MICAL2: variants seen among roughly 807,000 people sequenced by gnomAD.
MICAL2 encodes microtubule associated monooxygenase, calponin and LIM domain containing 2.
In MICAL2, 77 loss-of-function variants were observed where a neutral mutation model predicts 127.3. That is an observed-to-expected ratio of 0.60 (90% CI 0.50 to 0.73). MICAL2 has a LOEUF of 0.73. MICAL2 is among the 30% of genes least tolerant of loss of function. The pLI is 0.00. For synonymous variants in MICAL2, 570 were observed against 551.1 expected (o/e 1.03, Z -0.48); for missense variants, 1,351 against 1,434.4 (o/e 0.94, Z 0.94).
At chr11:12,203,760 T>C (rs185255143) in intron 3 of MICAL2, among the ~76,000 whole-genome samples, 98 of 152,374 alleles carry the variant, frequency 6.4e-4, no homozygotes, top group African/African-American at 2.2e-3. Flanking sequence ...AGTTTTAATT[T>C]TGAAGTCTCA....
At chr11:12,330,684 C>T (rs913009678) in intron 32 of MICAL2, among the ~76,000 whole-genome samples, 3 of 151,846 alleles carry the variant, frequency 2.0e-5, no homozygotes, top group Non-Finnish European at 2.9e-5. Flanking sequence ...CTCCCGCCCC[C>T]GGGAAGGGTT....
In MICAL2 at chr11:12,327,231, G is replaced by A. The variant is rs909129207; in HGVS notation, c.5480G>A (p.Gly1827Asp). 2.6e-6 allele frequency: 4 copies of A among 1,551,220 alleles called. No homozygotes were observed. In the African/African-American group the frequency reaches 4.1e-5, roughly 16 times the overall value. The change falls in exon 32 of 35, where the codon GGT becomes GAT. Residue 1827 changes from glycine to aspartate, a missense_variant. Gly to Asp is a moderately conservative substitution (Grantham distance 94). Coordinates refer to the MICAL2 transcript ENST00000646065. ...CGGCAGAGGGCTTCTGAGATCCAGGGTGTGAGGCTGGAGAAGGCGTTGCGA... is the reference window on the plus strand; with the variant it reads ...CGGCAGAGGGCTTCTGAGATCCAGGATGTGAGGCTGGAGAAGGCGTTGCGA...
intron 29 of MICAL2, among the ~76,000 whole-genome samples, chr11:12,312,135 A>AT (rs1426975259): frequency 2.0e-5 from 3 of 151,576 alleles, no homozygotes; most frequent in Admixed American, 6.6e-5. Flanking sequence ...TTTTCTGCCC[A>AT]TTTTTTGCTT....
At chr11:12,309,427 T>C (rs1043857297) in intron 29 of MICAL2, among the ~76,000 whole-genome samples, 8 of 152,154 alleles carry the variant, frequency 5.3e-5, no homozygotes, top group Non-Finnish European at 8.8e-5. Flanking sequence ...TGATAATATG[T>C]GATATTTGTC....
At position 12,302,159 on chromosome 11, in the gene MICAL2, CA is replaced by C. The variant is rs960878268; in HGVS notation, c.5212+7306del. 1.2e-4 allele frequency among the ~76,000 whole-genome samples: 19 copies of C among 152,192 alleles called. 2 individuals carry two copies. Among genetic ancestry groups the C allele is most frequent in the Admixed American group, 8.5e-4 (13 of 15,280 alleles). Reference sequence around the variant, plus strand: ...TTAATGTGGAGAGAAAAGGGATGGACAAAATCACTTATGTCGCGAGTCTGTT... The same window carrying C: ...TTAATGTGGAGAGAAAAGGGATGGACAAATCACTTATGTCGCGAGTCTGTT... On this transcript the variant is annotated intron_variant, in intron 29 of 34. Transcript: ENST00000646065.
chr11:12,221,553 A>G (rs2134274408), intron 9 of MICAL2, 91 bp from the exon 10 acceptor site: 1 of 883,898 alleles, frequency 1.1e-6, no homozygotes. Context: ...TGCCCTGCAC[A>G]GTCCTGGCAA....
intron 15 of MICAL2, among the ~76,000 whole-genome samples, chr11:12,235,821 C>A (rs1858971548): frequency 6.6e-6 from 1 of 152,306 alleles, no homozygotes; most frequent in African/African-American, 2.4e-5. Flanking sequence ...CTGCTCTGAG[C>A]CCAAGGCCAC....
At chr11:12,220,484 T>C in intron 9 of MICAL2, 26 bp downstream of exon 9, 10 of 1,599,338 alleles carry the variant, frequency 6.3e-6, no homozygotes, top group Non-Finnish European at 7.6e-6. Context: ...GGAGCCCCCA[T>C]GTTTCTCTGC....
At chr11:12,257,155 TC>T in intron 24 of MICAL2, 184 bp downstream of exon 24, 1 of 650,378 alleles carries the variant, frequency 1.5e-6, no homozygotes, top group Non-Finnish European at 2.5e-6. Flanking sequence ...CTGCCTGTGG[TC>T]CCAGGGAAGG....
intron 2 of MICAL2, among the ~76,000 whole-genome samples, chr11:12,284,995 G>T (rs1298327856): frequency 1.1e-4 from 17 of 152,222 alleles, no homozygotes; most frequent in Non-Finnish European, 1.9e-4. Flanking sequence ...AATTTACACA[G>T]AGCTGGCTGT....
At chr11:12,256,634 T>C in intron 23 of MICAL2, 151 bp from the exon 24 acceptor site, 2 of 710,256 alleles carry the variant, frequency 2.8e-6, no homozygotes, top group Non-Finnish European at 4.5e-6. Context: ...TGTATCTTCC[T>C]ACCCCTCCCT....
intron 2 of MICAL2, among the ~76,000 whole-genome samples, chr11:12,284,621 T>G (rs2134770495): frequency 6.6e-6 from 1 of 152,330 alleles, no homozygotes; most frequent in Admixed American, 6.5e-5. Flanking sequence ...TGCAATTTTT[T>G]TTTTTAGAAA....
rs1400835126 is a variant in MICAL2, at chr11:12,255,662, C to G, written c.2867C>G (p.Ser956Cys). Residue 956 changes from serine to cysteine, a missense_variant, in exon 23 of 28, where the codon TCC (serine) becomes TGC (cysteine). By Grantham distance (112) the Ser-to-Cys change is moderately radical (BLOSUM62 -1). Coordinates refer to ENST00000683283, the MANE Select transcript of MICAL2 (RefSeq NM_001282663.2). ...VHPQLTVGKV[S>C]SGIGAAAEVL... ...GGTTAGCTGACGGTAGGGAAAGTGT[C>G]CAGCGGAATAGGGGCTGCAGCTGAA... 6.2e-7 allele frequency: 1 copy of G among 1,613,818 alleles called. No homozygotes were observed. Among genetic ancestry groups the G allele is most frequent in the Non-Finnish European group, 8.5e-7 (1 of 1,179,982 alleles).
chr11:12,284,445 C>T (rs1231409797), intron 2 of MICAL2, among the ~76,000 whole-genome samples: 1 of 152,078 alleles, frequency 6.6e-6, no homozygotes, highest in Non-Finnish European at 1.5e-5. Context: ...CTCAGCATTA[C>T]TAGATGAAGT....
intron 24 of MICAL2, chr11:12,257,176 A>G: frequency 1.7e-6 from 1 of 572,300 alleles, no homozygotes; most frequent in South Asian, 2.5e-5. Context: ...GGGTAGCATC[A>G]GCACTGTGGT....
At chr11:12,325,311 T>C (rs984274865) in intron 31 of MICAL2, among the ~76,000 whole-genome samples, 2 of 152,118 alleles carry the variant, frequency 1.3e-5, no homozygotes, top group Non-Finnish European at 2.9e-5. Context: ...GTTTTCACCA[T>C]GTTGGCTAGG....
intron 15 of MICAL2, among the ~76,000 whole-genome samples, chr11:12,233,200 A>G (rs533114671): frequency 6.6e-6 from 1 of 152,350 alleles, no homozygotes; most frequent in East Asian, 1.9e-4. Flanking sequence ...TTACTCTCAC[A>G]ACAGCTTATG....
At chr11:12,117,889 C>T (rs1315592581) in intron 1 of MICAL2, among the ~76,000 whole-genome samples, 1 of 152,212 alleles carries the variant, frequency 6.6e-6, no homozygotes, top group Non-Finnish European at 1.5e-5. Flanking sequence ...GATTTCCAAC[C>T]TCTTTCCAGA....
At chr11:12,281,904 T>A (rs1447091888) in intron 2 of MICAL2, among the ~76,000 whole-genome samples, 1 of 152,192 alleles carries the variant, frequency 6.6e-6, no homozygotes, top group African/African-American at 2.4e-5. Context: ...AATCGTCTGA[T>A]TTATGGGTAA....
Sources: gnomAD v4.1 joint callset for allele counts (sites outside exome capture counted in the v4.1 genomes callset) on GRCh38, gnomAD v4.1.1 for gene constraint, MANE v1.5 for transcripts, NCBI Gene and HGNC (gene_info 2026-07-23, HGNC 2026-07-21) for gene names.